RIMS2: variants seen among roughly 807,000 people sequenced by gnomAD.
RIMS2 encodes the protein regulating synaptic membrane exocytosis 2.
In RIMS2, 59 loss-of-function variants were observed where a neutral mutation model predicts 174.4. The ratio of observed to expected loss-of-function variants is 0.34; its 90% CI spans 0.27 to 0.42. The LOEUF (loss-of-function observed/expected upper bound fraction) is 0.42. Among genes scored for constraint, RIMS2 ranks in the 10% least tolerant of loss-of-function variants. The pLI is 1.00. For missense variants in RIMS2, 1,620 were observed against 1,666.3 expected (o/e 0.97, Z 0.48); for synonymous variants, 606 against 572.5 (o/e 1.06, Z -0.84).
chr8:103,596,658 G>T (rs909371554), intron 1 of RIMS2, among the ~76,000 whole-genome samples: 1 of 151,786 alleles, frequency 6.6e-6, no homozygotes, highest in African/African-American at 2.4e-5. Flanking sequence ...TGTACTCCTT[G>T]TACATGTGCA....
intron 13 of RIMS2, among the ~76,000 whole-genome samples, chr8:103,937,486 G>A (rs1045900084): frequency 3.4e-4 from 51 of 152,172 alleles, no homozygotes; most frequent in Admixed American, 2.9e-3. Flanking sequence ...AGGTAAATAA[G>A]GAGTGTTACT....
At chr8:104,213,747 C>A (rs144465087) in intron 19 of RIMS2, among the ~76,000 whole-genome samples, 6 of 151,644 alleles carry the variant, frequency 4.0e-5, no homozygotes, top group African/African-American at 1.5e-4. Flanking sequence ...CGTGGTGGCA[C>A]GCGCCTGTAG....
intron 19 of RIMS2, among the ~76,000 whole-genome samples, chr8:104,233,928 A>G (rs796638337): frequency 6.6e-6 from 1 of 152,292 alleles, no homozygotes; most frequent in African/African-American, 2.4e-5. Context: ...ATATCATCTG[A>G]AAAAAAGGAT....
intron 19 of RIMS2, 113 bp from the exon 25 acceptor site, chr8:104,148,494 A>C: frequency 9.4e-7 from 1 of 1,066,152 alleles, no homozygotes; most frequent in Non-Finnish European, 1.3e-6. Context: ...TCCTAAAAAT[A>C]TATTCCATAG....
At chr8:103,999,469 G>GT (rs1440673354) in intron 17 of RIMS2, among the ~76,000 whole-genome samples, 3 of 151,170 alleles carry the variant, frequency 2.0e-5, no homozygotes, top group Non-Finnish European at 4.4e-5. Context: ...ATCTTTTGTT[G>GT]TTTTTTGTTT....
intron 1 of RIMS2, among the ~76,000 whole-genome samples, chr8:103,657,752 G>C (rs2135993349): frequency 6.6e-6 from 1 of 152,306 alleles, no homozygotes; most frequent in East Asian, 1.9e-4. Context: ...ATTCAAACTT[G>C]CTTCATTCTC....
At chr8:103,581,361 C>G (rs2093610193) in intron 1 of RIMS2, among the ~76,000 whole-genome samples, 1 of 152,042 alleles carries the variant, frequency 6.6e-6, no homozygotes, top group African/African-American at 2.4e-5. Context: ...TTAAAAGAAC[C>G]AGGAACAAAA....
intron 3 of RIMS2, among the ~76,000 whole-genome samples, chr8:103,800,649 C>G (rs550787800): frequency 6.6e-6 from 1 of 152,264 alleles, no homozygotes; most frequent in South Asian, 2.1e-4. Flanking sequence ...TTTTCAAATG[C>G]TGCATCAACC....
rs74717523 is a variant in RIMS2 at position 103,893,861 on chromosome 8, G to A, written c.1624+7638G>A. 3.7e-3 allele frequency among the ~76,000 whole-genome samples: 570 copies of A among 152,142 alleles called. 8 individuals carry two copies. The highest frequency in any genetic ancestry group is 0.013 in the African/African-American group (542 of 41,536). ...AACTACAAATTACAGTGACTTGTTT[G>A]TAACTCCACAGTGTTTTGAGTAGCA... On this transcript the variant is annotated intron_variant, in intron 4 of 23. Transcript: ENST00000504942.
intron 11 of RIMS2, chr8:103,928,018 C>G: frequency 1.5e-6 from 1 of 667,326 alleles, no homozygotes; most frequent in Non-Finnish European, 2.5e-6. Context: ...ACTTTCAAAT[C>G]ATTTTATTAG....
chr8:103,883,779 G>A (rs1327435347), intron 3 of RIMS2, among the ~76,000 whole-genome samples: 1 of 151,770 alleles, frequency 6.6e-6, no homozygotes, highest in African/African-American at 2.4e-5. Context: ...TTGTTGGCTA[G>A]CAGATGGGCA....
At chr8:104,176,008 G>A (rs1297147174) in intron 19 of RIMS2, among the ~76,000 whole-genome samples, 1 of 152,110 alleles carries the variant, frequency 6.6e-6, no homozygotes, top group Non-Finnish European at 1.5e-5. Flanking sequence ...CAACTTCTCA[G>A]GATGGCACAT....
At chr8:104,013,328 A>T in intron 17 of RIMS2, 114 bp from the exon 20 acceptor site, 2 of 828,856 alleles carry the variant, frequency 2.4e-6, no homozygotes, top group South Asian at 2.2e-5. Context: ...AAAAATTTTT[A>T]CATACTCCAT....
At chr8:104,111,218 G>A (rs1299161932) in intron 19 of RIMS2, among the ~76,000 whole-genome samples, 1 of 152,092 alleles carries the variant, frequency 6.6e-6, no homozygotes, top group East Asian at 1.9e-4. Flanking sequence ...CTCAAGCAAT[G>A]ACACTAATAG....
chr8:104,196,724 A>G (rs1216257262), intron 19 of RIMS2, among the ~76,000 whole-genome samples: 1 of 152,158 alleles, frequency 6.6e-6, no homozygotes, highest in Non-Finnish European at 1.5e-5. Flanking sequence ...TACATTTCAC[A>G]ATGAATATTT....
chr8:103,578,799 T>G (rs1422676335), intron 1 of RIMS2, among the ~76,000 whole-genome samples: 2 of 141,418 alleles, frequency 1.4e-5, no homozygotes, highest in African/African-American at 5.3e-5. Flanking sequence ...GTCAGGAGTT[T>G]GAGACCAGCC....
At chr8:104,063,849 G>A (rs776190791) in intron 19 of RIMS2, among the ~76,000 whole-genome samples, 1 of 152,110 alleles carries the variant, frequency 6.6e-6, no homozygotes, top group Non-Finnish European at 1.5e-5. Context: ...AATTGCTCTA[G>A]GACTCCAGGG....
intron 13 of RIMS2, among the ~76,000 whole-genome samples, chr8:103,937,816 A>G (rs2081610693): frequency 6.6e-6 from 1 of 152,202 alleles, no homozygotes; most frequent in South Asian, 2.1e-4. Flanking sequence ...ATATATAAAC[A>G]AATTTGGATT....
rs190696629 is a variant in RIMS2 at position 103,898,746 on chromosome 8, T to C, written c.1625-11388T>C. Among the ~76,000 whole-genome samples the C allele has an allele frequency of 1.6e-3, 244 of 151,640 alleles. 2 individuals are homozygous for C. Among genetic ancestry groups the C allele is most frequent in the East Asian group, 1.4e-3 (7 of 5,164 alleles). On this transcript the variant is annotated intron_variant, in intron 4 of 23. Transcript: ENST00000504942. ...TTTATTTTTTTTTATTATTATACTTTAAGTTCTAGGGTACGTGTGCACAAT... is the reference window on the plus strand; with the variant it reads ...TTTATTTTTTTTTATTATTATACTTCAAGTTCTAGGGTACGTGTGCACAAT...
Sources: gnomAD v4.1 joint callset for allele counts (sites outside exome capture counted in the v4.1 genomes callset) on GRCh38, gnomAD v4.1.1 for gene constraint, MANE v1.5 for transcripts, NCBI Gene and HGNC (gene_info 2026-07-23, HGNC 2026-07-21) for gene names.